The following POLH variants were observed in gnomAD, a reference collection of about 807,000 sequenced individuals.
POLH encodes DNA polymerase eta.
A neutral mutation model predicts 73.6 loss-of-function variants in POLH; 53 were observed. The ratio of observed to expected loss-of-function variants is 0.72; its 90% confidence interval spans 0.58 to 0.91. The LOEUF (loss-of-function observed/expected upper bound fraction) is 0.91. Among genes scored for constraint, POLH ranks in the 40% least tolerant of loss-of-function variants. The probability of loss-of-function intolerance (pLI) is 0.00; values close to 1 mark genes in which losing one functional copy is unlikely to be tolerated. For missense variants in POLH, 768 were observed against 865.4 expected, an observed-to-expected ratio of 0.89 and a Z score of 1.41; for synonymous variants, 292 against 308.5, an observed-to-expected ratio of 0.95 and a Z score of 0.56.
chr6:43,584,377 A>C (rs1764589319), intron 3 of POLH, among the ~76,000 whole-genome samples: 1 of 152,184 alleles, frequency 6.6e-6, no homozygotes, highest in East Asian at 1.9e-4. Context: ...AAAAGAAGAT[A>C]GACTTGACTG....
intron 4 of POLH, among the ~76,000 whole-genome samples, chr6:43,587,710 TAA>T (rs1240917568): frequency 6.6e-6 from 1 of 152,198 alleles, no homozygotes; most frequent in African/African-American, 2.4e-5. Flanking sequence ...TCTTTAGATA[TAA>T]CTAGGGCAGG....
intron 1 of POLH, among the ~76,000 whole-genome samples, chr6:43,579,398 G>A (rs1161744632): frequency 6.6e-6 from 1 of 152,176 alleles, no homozygotes; most frequent in East Asian, 1.9e-4. Flanking sequence ...ACGGATGTCA[G>A]TCATGCCTAT....
intron 1 of POLH, among the ~76,000 whole-genome samples, chr6:43,576,875 G>A (rs1018525054): frequency 2.6e-5 from 4 of 152,202 alleles, no homozygotes; most frequent in Admixed American, 6.5e-5. Flanking sequence ...AAAGCTCTTG[G>A]CCGGGCGCGG....
intron 3 of POLH, among the ~76,000 whole-genome samples, chr6:43,585,584 T>C (rs1164106112): frequency 6.6e-6 from 1 of 151,902 alleles, no homozygotes; most frequent in Non-Finnish European, 1.5e-5. Flanking sequence ...TATTTCACAA[T>C]ATTATAAGTA....
At position 43,614,677 on chromosome 6, in the gene POLH, A is replaced by G. The variant is rs1342138005; in HGVS notation, c.*120A>G. On this transcript the variant is annotated 3_prime_UTR_variant, in exon 11 of 11. Coordinates refer to ENST00000372236, the MANE Select transcript of POLH (RefSeq NM_006502.3). The stretch of plus-strand genomic sequence containing the variant: ...GGAATTATGAAATTTTTAATACAAA[A>G]AATAATCCATTTAGGTGCTGAGTTA... The G allele has an allele frequency of 1.2e-5, 11 of 918,578 alleles. No individual in the cohort carries two copies. The highest frequency in any genetic ancestry group is 1.8e-5 in the Non-Finnish European group (11 of 613,888). The allele number at this position is 918,578 out of a possible 1,614,324, so 56.9% of individuals were successfully genotyped here.
rs1768444519 is a variant in POLH at position 43,617,750 on chromosome 6, A to G, written c.*3193A>G. 6.6e-6 allele frequency among the ~76,000 whole-genome samples: 1 copy of G among 152,178 alleles called. No individual in the cohort carries two copies. Among genetic ancestry groups the G allele is most frequent in the South Asian group, 2.1e-4 (1 of 4,832 alleles). ...CAAGGCCATCCTGGCCAACATGGTG[A>G]AACCCCGTCTCTACTGAAAATACAA... On this transcript the variant is annotated 3_prime_UTR_variant, in exon 11 of 11. Transcript: ENST00000372236.
At chr6:43,597,241 G>C (rs1205530535) in intron 4 of POLH, among the ~76,000 whole-genome samples, 1 of 152,078 alleles carries the variant, frequency 6.6e-6, no homozygotes, top group Non-Finnish European at 1.5e-5. Flanking sequence ...TCAGCCTCCT[G>C]AGTAGCTGTG....
At chr6:43,589,134 G>T (rs1476415920) in intron 4 of POLH, among the ~76,000 whole-genome samples, 1 of 152,282 alleles carries the variant, frequency 6.6e-6, no homozygotes, top group South Asian at 2.1e-4. Context: ...CACCGTGCCC[G>T]GCCTTCATTC....
intron 3 of POLH, among the ~76,000 whole-genome samples, chr6:43,584,178 C>T (rs1221039908): frequency 5.3e-5 from 8 of 152,180 alleles, no homozygotes; most frequent in African/African-American, 1.9e-4. Context: ...AAGTGAAAGA[C>T]TGAGGATTCA....
chr6:43,585,145 G>C (rs1764660673), intron 3 of POLH, among the ~76,000 whole-genome samples: 1 of 152,102 alleles, frequency 6.6e-6, no homozygotes, highest in Non-Finnish European at 1.5e-5. Context: ...GCAACAGTGA[G>C]ATCCTGTCAA....
chr6:43,578,368 C>G, intron 1 of POLH: 1 of 424,886 alleles, frequency 2.4e-6, no homozygotes, highest in South Asian at 1.7e-5. Flanking sequence ...GCCTGCGCAA[C>G]GAGAACGAAA....
rs60046548 is a variant in POLH, at chr6:43,619,364, CAA to C, written c.*4836_*4837del. ...TGGGTGACAGTCTGAGACCCTGTCT[CAA>C]AAAAAAAAAAAAAAAAAAAAAAAAA... is the stretch of plus-strand genomic sequence containing the variant. On this transcript the variant is annotated 3_prime_UTR_variant, in exon 11 of 11. Transcript: ENST00000372236. 0.065 allele frequency among the ~76,000 whole-genome samples: 2,362 copies of C among 36,314 alleles called. 10 individuals carry two copies. The highest frequency in any genetic ancestry group is 0.092 in the East Asian group (51 of 554). The allele number at this position is 36,314 out of a possible 152,430, so 23.8% of individuals were successfully genotyped here.
intron 10 of POLH, among the ~76,000 whole-genome samples, chr6:43,612,930 T>C (rs1315039098): frequency 6.6e-6 from 1 of 151,792 alleles, no homozygotes; most frequent in Non-Finnish European, 1.5e-5. Context: ...GCCTCCCAAG[T>C]AGCTGGGTTA....
In POLH at chr6:43,617,993, T is replaced by C. The variant is rs1561918704; in HGVS notation, c.*3436T>C. ...TAAAAGATACTAATGACCAGGTGTG[T>C]AGAGGACATTTTCTTAAGCCCTTAA... On this transcript the variant is annotated 3_prime_UTR_variant, in exon 11 of 11. Transcript: ENST00000372236. 6.6e-6 allele frequency among the ~76,000 whole-genome samples: 1 copy of C among 152,294 alleles called. No individual in the cohort carries two copies. The highest frequency in any genetic ancestry group is 1.5e-5 in the Non-Finnish European group (1 of 68,018).
intron 9 of POLH, among the ~76,000 whole-genome samples, chr6:43,606,288 A>C (rs1026033623): frequency 2.0e-5 from 3 of 151,764 alleles, no homozygotes; most frequent in Non-Finnish European, 4.4e-5. Flanking sequence ...CCTTTTACTT[A>C]CATCTCCCCA....
rs60046548 is a variant in POLH at position 43,619,364 on chromosome 6, CAAAAAAAAAAAAAAAAA to C, written c.*4821_*4837del. ...TGGGTGACAGTCTGAGACCCTGTCTCAAAAAAAAAAAAAAAAAAAAAAAAAAAAAAGACTACATTCAC... is the reference window on the plus strand; with the variant it reads ...TGGGTGACAGTCTGAGACCCTGTCTCAAAAAAAAAAAAAGACTACATTCAC... On this transcript the variant is annotated 3_prime_UTR_variant, in exon 11 of 11. Coordinates refer to ENST00000372236, the MANE Select transcript of POLH (RefSeq NM_006502.3). Among the ~76,000 whole-genome samples, 47 of 37,090 alleles carry C rather than the reference CAAAAAAAAAAAAAAAAA, an allele frequency of 1.3e-3. 1 individual carries two copies. In the South Asian group the frequency reaches 0.036, roughly 28 times the overall value. 24.3% of individuals were successfully genotyped at this position (37,090 alleles called of 152,430 possible).
intron 6 of POLH, among the ~76,000 whole-genome samples, chr6:43,603,136 G>A (rs1471610217): frequency 6.6e-6 from 1 of 151,504 alleles, no homozygotes; most frequent in Non-Finnish European, 1.5e-5. Flanking sequence ...CAAGTAGCTG[G>A]GAGCACAGGC....
Position 43,599,956 on chromosome 6 carries a change from C to G in POLH, c.661-1032C>G, listed in dbSNP as rs769231700. Among the ~76,000 whole-genome samples, 96 of 151,958 alleles carry G rather than the reference C, an allele frequency of 6.3e-4. 1 individual carries two copies. The highest frequency in any genetic ancestry group is 4.1e-4 in the Non-Finnish European group (28 of 67,940). On this transcript the variant is annotated intron_variant, in intron 5 of 10. Coordinates refer to ENST00000372236, the MANE Select transcript of POLH (RefSeq NM_006502.3). ...GGTGGATCACCTGAGGTTGGGAGTT[C>G]AAGACCAGCCTGACCAATATGGAGA...
chr6:43,607,834 G>C (rs1385583548), intron 9 of POLH, among the ~76,000 whole-genome samples: 1 of 152,028 alleles, frequency 6.6e-6, no homozygotes, highest in Non-Finnish European at 1.5e-5. Context: ...GTATATCTTT[G>C]GGGAAATGTT....
Sources: allele counts gnomAD v4.1 joint callset (sites outside exome capture counted in the v4.1 genomes callset), GRCh38; gene constraint gnomAD v4.1.1; transcripts MANE v1.5; gene names NCBI Gene and HGNC (gene_info 2026-07-23, HGNC 2026-07-21).